Variants in ANGPTL6 observed in about 807,000 individuals in gnomAD.
ANGPTL6 encodes the protein angiopoietin like 6, also known as angiopoietin-related protein 6.
Under a neutral mutation model 47.4 loss-of-function variants are expected in ANGPTL6, and 45 were observed. The ratio of observed to expected loss-of-function variants is 0.95; its 90% CI spans 0.75 to 1.22. The LOEUF (loss-of-function observed/expected upper bound fraction) is 1.22. Ranked by LOEUF, ANGPTL6 falls within the 50% of genes most tolerant of loss-of-function variation. ANGPTL6 has a pLI of 0.00. For synonymous variants in ANGPTL6, 290 were observed against 295.9 expected (o/e 0.98, Z 0.20); for missense variants, 698 against 669.4 (o/e 1.04, Z -0.47).
At chr19:10,095,684 G>A (rs2088510537) in intron 2 of ANGPTL6, among the ~76,000 whole-genome samples, 1 of 152,014 alleles carries the variant, frequency 6.6e-6, no homozygotes. Context: ...ACACAGGGAG[G>A]GTTATGTATA....
At chr19:10,092,935 C>T (rs1318546913) in intron 5 of ANGPTL6, 156 bp from the exon 6 acceptor site, 9 of 583,980 alleles carry the variant, frequency 1.5e-5, no homozygotes, top group East Asian at 1.2e-4. Flanking sequence ...AAATAGGAGC[C>T]CTGGCCCCCC....
At chr19:10,095,039 T>A in intron 2 of ANGPTL6, 101 bp from the exon 3 acceptor site, 1 of 1,234,762 alleles carries the variant, frequency 8.1e-7, no homozygotes, top group South Asian at 1.6e-5. Flanking sequence ...AGCTCCCAAA[T>A]GACCTGGACA....
In ANGPTL6 at chr19:10,093,348, C is replaced by A; in HGVS notation, c.1222+1G>T. The A allele has an allele frequency of 6.2e-7, 1 of 1,610,352 alleles. No homozygotes were observed. Among genetic ancestry groups the A allele is most frequent in the African/African-American group, 1.3e-5 (1 of 74,884 alleles). ...CTCACCAGAATAGGAGTTCTCCTTA[C>A]CAGAATAGGAGTCTCGGTCCCTATC... is the stretch of plus-strand genomic sequence containing the variant. On this transcript the variant is annotated splice_donor_variant, in intron 5 of 5. Coordinates refer to ENST00000253109, the MANE Select transcript of ANGPTL6 (RefSeq NM_031917.3). LOFTEE classifies it high-confidence loss of function.
At chr19:10,098,911 G>A (rs949862826) in intron 1 of ANGPTL6, among the ~76,000 whole-genome samples, 2 of 151,804 alleles carry the variant, frequency 1.3e-5, no homozygotes, top group African/African-American at 4.8e-5. Flanking sequence ...CCCATCCGTC[G>A]GATATTGGAA....
At chr19:10,099,447 G>A (rs1385432039) in intron 1 of ANGPTL6, among the ~76,000 whole-genome samples, 2 of 151,630 alleles carry the variant, frequency 1.3e-5, no homozygotes, top group African/African-American at 2.4e-5. Flanking sequence ...CGTGGTGGCG[G>A]CTGCCTGTAG....
intron 1 of ANGPTL6, among the ~76,000 whole-genome samples, chr19:10,097,736 C>A (rs8107814): frequency 2.0e-5 from 3 of 151,922 alleles, no homozygotes; most frequent in Admixed American, 6.6e-5. Flanking sequence ...ACTTGTAGTC[C>A]CAGCTACTTG....
rs1252574596 is a variant in ANGPTL6 at position 10,096,593 on chromosome 19, G to A, written c.-10-20C>T. ...GCGGACCTGCAGGCAGAGGAGGAAC[G>A]GAAGGAAGACGGGGTGCTGGGGCCC... On this transcript the variant is annotated intron_variant, in intron 1 of 5. Transcript: ENST00000253109. 6.8e-6 allele frequency: 10 copies of A among 1,467,614 alleles called. No homozygotes were observed. The highest frequency in any genetic ancestry group is 3.8e-5 in the South Asian group (3 of 78,056). The allele number at this position is 1,467,614 out of a possible 1,614,324, so 90.9% of individuals were successfully genotyped here.
chr19:10,103,387 C>T (rs1033605217), upstream of ANGPTL6, among the ~76,000 whole-genome samples: 5 of 151,398 alleles, frequency 3.3e-5, no homozygotes, highest in Admixed American at 1.3e-4. Context: ...GTCAGGAGTT[C>T]GAAACCATCC....
chr19:10,102,148 G>C (rs2088697746), intron 1 of ANGPTL6, among the ~76,000 whole-genome samples: 1 of 148,994 alleles, frequency 6.7e-6, no homozygotes, highest in African/African-American at 2.5e-5. Flanking sequence ...AGAAATGGCA[G>C]AAATGTCTAT....
intron 1 of ANGPTL6, among the ~76,000 whole-genome samples, chr19:10,102,325 C>G (rs1336196254): frequency 2.0e-5 from 3 of 151,378 alleles, no homozygotes; most frequent in Middle Eastern, 3.2e-3. Context: ...GACTCAGACA[C>G]CAAGCAGGGG....
In ANGPTL6 at chr19:10,096,486, G is replaced by A. The variant is rs2145174596; in HGVS notation, c.78C>T (p.Arg26=). The A allele has an allele frequency of 1.3e-6, 2 of 1,511,620 alleles. No homozygotes were observed. Among genetic ancestry groups the A allele is most frequent in the African/African-American group, 1.4e-5 (1 of 69,974 alleles). The allele number at this position is 1,511,620 out of a possible 1,614,324, so 93.6% of individuals were successfully genotyped here. A position where few individuals can be genotyped will look rare whatever the true frequency, so the allele number is the denominator to read the frequency against. The stretch of plus-strand genomic sequence containing the variant: ...GGGGCAGCACGAAGGTGTAGGTGCA[G>A]CGCGGGGCGCCCGCCCGCGCCCACG... ...GASWARAGAP[R]CTYTFVLPPQ... Residue 26 remains arginine (R), a synonymous_variant, in exon 2 of 6, where the codon CGC becomes CGT. Transcript: ENST00000253109.
At chr19:10,102,684 A>G, upstream of ANGPTL6, 1 of 984,902 alleles carries the variant, frequency 1.0e-6, no homozygotes, top group Non-Finnish European at 1.2e-6. Flanking sequence ...GCAGTGGGAC[A>G]GAAGGAGAGA....
chr19:10,092,871 GC>G lies in ANGPTL6; in HGVS notation c.1223-93del, dbSNP rs998703469. The G allele has an allele frequency of 1.3e-5, 14 of 1,091,818 alleles. No homozygotes were observed. The African/African-American group carries it at 1.9e-4, about 15-fold the overall frequency. 67.6% of individuals were successfully genotyped at this position (1,091,818 alleles called of 1,614,324 possible). On this transcript the variant is annotated intron_variant, in intron 5 of 5. Transcript: ENST00000253109. Reference sequence around the variant, plus strand: ...CAAGGCTTTTGCCAGGCATCCCCTGGCCCCTCCCATTCTTATTGAATACAAG... The same window carrying G: ...CAAGGCTTTTGCCAGGCATCCCCTGGCCCTCCCATTCTTATTGAATACAAG...
At chr19:10,094,579 C>T (rs2088483354) in intron 3 of ANGPTL6, 179 bp downstream of exon 3, 1 of 763,046 alleles carries the variant, frequency 1.3e-6, no homozygotes, top group South Asian at 1.7e-5. Context: ...AAGTAAGAGT[C>T]CCTCCTCTTC....
At chr19:10,104,908 G>A (rs184068397), upstream of ANGPTL6, among the ~76,000 whole-genome samples, 386 of 152,260 alleles carry the variant, frequency 2.5e-3, 2 homozygotes, top group Non-Finnish European at 4.6e-3. Context: ...AGAGGTCACC[G>A]TCTGTCTCCC....
chr19:10,096,017 G>C lies in ANGPTL6; in HGVS notation c.547C>G (p.Arg183Gly), dbSNP rs976781389. Residue 183 changes from arginine (R) to glycine (G), a missense_variant, in exon 2 of 6, where the codon CGC (arginine) becomes GGC (glycine). By Grantham distance (125) the Arg-to-Gly change is moderately radical (BLOSUM62 -2). Transcript: ENST00000253109. ...CCGCCCGCGCCTCCCGGGCACAGGC[G>C]CTCCAGGCGGGCGATGAGACTGCTC... is the stretch of plus-strand genomic sequence containing the variant. ...QQSSLIARLERLCPGGAGGQQ... is the reference protein window; with the variant it reads ...QQSSLIARLEGLCPGGAGGQQ... 11 of 1,366,518 alleles carry C rather than the reference G, an allele frequency of 8.0e-6. No homozygotes were observed. Among genetic ancestry groups the C allele is most frequent in the Non-Finnish European group, 1.0e-5 (11 of 1,054,794 alleles). The allele number at this position is 1,366,518 out of a possible 1,614,324, so 84.6% of individuals were successfully genotyped here. A position where few individuals can be genotyped will look rare whatever the true frequency, so the allele number is the denominator to read the frequency against.
At chr19:10,094,623 A>T in intron 3 of ANGPTL6, 135 bp downstream of exon 3, 1 of 1,101,828 alleles carries the variant, frequency 9.1e-7, no homozygotes, top group East Asian at 2.4e-5. Context: ...ACACCTTAGA[A>T]GTTTGGTCTT....
chr19:10,101,637 G>A (rs1342467208), intron 1 of ANGPTL6, among the ~76,000 whole-genome samples: 4 of 151,260 alleles, frequency 2.6e-5, no homozygotes, highest in East Asian at 1.9e-4. Context: ...GTGAAACCCC[G>A]TCTCTACTAA....
upstream of ANGPTL6, among the ~76,000 whole-genome samples, chr19:10,104,846 A>C (rs1285566582): frequency 6.6e-6 from 1 of 152,152 alleles, no homozygotes. Flanking sequence ...TAGTGCACAG[A>C]TACAAAACAG....
Sources: allele counts gnomAD v4.1 joint callset (sites outside exome capture counted in the v4.1 genomes callset), GRCh38; gene constraint gnomAD v4.1.1; transcripts MANE v1.5; gene names NCBI Gene and HGNC (gene_info 2026-07-23, HGNC 2026-07-21).